Variants in NTM observed in about 807,000 individuals in gnomAD.
The protein encoded by NTM is IgLON family member 2.
A neutral mutation model predicts 42.1 loss-of-function variants in NTM; 13 were observed. The ratio of observed to expected loss-of-function variants is 0.31; its 90% CI spans 0.20 to 0.49. The LOEUF is 0.49. Among genes scored for constraint, NTM ranks in the 20% least tolerant of loss-of-function variants. NTM has a pLI of 0.99. For synonymous variants in NTM, 187 were observed against 179.2 expected (o/e 1.04, Z -0.35); for missense variants, 373 against 452.8 (o/e 0.82, Z 1.60).
At chr11:132,186,906 C>T (rs888132187) in intron 3 of NTM, among the ~76,000 whole-genome samples, 5 of 152,166 alleles carry the variant, frequency 3.3e-5, no homozygotes, top group African/African-American at 9.7e-5. Context: ...CGCTAGGTGG[C>T]GCCCTGTGGA....
chr11:131,547,238 C>A (rs915454383), intron 1 of NTM, among the ~76,000 whole-genome samples: 2 of 152,136 alleles, frequency 1.3e-5, no homozygotes, highest in African/African-American at 4.8e-5. Flanking sequence ...GTGAATGTTG[C>A]AAACTATATA....
chr11:132,326,946 A>G (rs1247736446), intron 7 of NTM, among the ~76,000 whole-genome samples: 1 of 152,248 alleles, frequency 6.6e-6, no homozygotes, highest in South Asian at 2.1e-4. Flanking sequence ...CTTGGCTTTA[A>G]GAGAAGTTCA....
intron 1 of NTM, among the ~76,000 whole-genome samples, chr11:131,815,836 T>TCCGGGTGG (rs1312460070): frequency 1.3e-5 from 2 of 152,132 alleles, no homozygotes; most frequent in African/African-American, 4.8e-5. Flanking sequence ...CTTGCTTCCT[T>TCCGGGTGG]CCGGGTGGCC....
intron 4 of NTM, among the ~76,000 whole-genome samples, chr11:132,295,020 A>G (rs958172196): frequency 6.6e-6 from 1 of 152,130 alleles, no homozygotes; most frequent in Non-Finnish European, 1.5e-5. Context: ...GCCTAGCTTG[A>G]TGAAGGCTCT....
intron 1 of NTM, among the ~76,000 whole-genome samples, chr11:131,567,316 T>C (rs1439380103): frequency 5.9e-5 from 9 of 151,920 alleles, no homozygotes; most frequent in African/African-American, 1.7e-4. Flanking sequence ...GTGAAACCCC[T>C]TCTCTACTAA....
intron 1 of NTM, among the ~76,000 whole-genome samples, chr11:131,654,407 T>C (rs1407638644): frequency 6.6e-6 from 1 of 151,716 alleles, no homozygotes; most frequent in African/African-American, 2.4e-5. Context: ...ACCGCAGTTG[T>C]ATTGAAAAGC....
intron 1 of NTM, among the ~76,000 whole-genome samples, chr11:131,715,267 CAAGATTGAACCAGATAAATCAT>C (rs2077572451): frequency 6.6e-6 from 1 of 152,146 alleles, no homozygotes; most frequent in Non-Finnish European, 1.5e-5. Context: ...CTATTTATAG[CAAGATTGAACCAGATAAATCAT>C]AAGTTTCTTG....
chr11:132,211,378 T>A (rs1252724813), intron 3 of NTM, among the ~76,000 whole-genome samples: 1 of 152,200 alleles, frequency 6.6e-6, no homozygotes, highest in Non-Finnish European at 1.5e-5. Context: ...CCAGCCTGGG[T>A]GACAAAGTGA....
At chr11:131,731,499 G>T (rs1464598980) in intron 1 of NTM, among the ~76,000 whole-genome samples, 1 of 152,078 alleles carries the variant, frequency 6.6e-6, no homozygotes, top group Non-Finnish European at 1.5e-5. Flanking sequence ...TCTTATTTCA[G>T]TTCATTTTAT....
intron 2 of NTM, among the ~76,000 whole-genome samples, chr11:131,945,577 G>C (rs1424873824): frequency 1.3e-5 from 2 of 152,100 alleles, no homozygotes; most frequent in African/African-American, 2.4e-5. Flanking sequence ...AGGTTAACCA[G>C]GTTCAATATT....
intron 4 of NTM, among the ~76,000 whole-genome samples, chr11:132,285,683 C>T (rs922315871): frequency 1.3e-5 from 2 of 152,158 alleles, no homozygotes; most frequent in Admixed American, 6.5e-5. Flanking sequence ...GCTCTTAGGA[C>T]CAAAGGACAC....
intron 2 of NTM, among the ~76,000 whole-genome samples, chr11:132,008,481 G>A (rs2517996): frequency 0.35 from 53,673 of 151,668 alleles, 10,191 homozygotes; most frequent in East Asian, 0.81. Context: ...GAATGTTAAA[G>A]CGTTAGTATA....
At chr11:132,186,869 T>A (rs921102955) in intron 3 of NTM, among the ~76,000 whole-genome samples, 5 of 152,216 alleles carry the variant, frequency 3.3e-5, no homozygotes, top group African/African-American at 4.8e-5. Context: ...CCGAGCCCCC[T>A]GTGGGGATCC....
chr11:132,081,948 TTA>T (rs10547769), intron 2 of NTM, among the ~76,000 whole-genome samples: 42,860 of 143,974 alleles, frequency 0.3, 7,012 homozygotes, highest in African/African-American at 0.43. Context: ...ATATATATAT[TTA>T]TATATATATA....
At chr11:132,144,357 G>A (rs1048599454) in intron 2 of NTM, among the ~76,000 whole-genome samples, 3 of 152,290 alleles carry the variant, frequency 2.0e-5, no homozygotes, top group Admixed American at 6.5e-5. Context: ...CATGTGCACC[G>A]TAAAGCTTGA....
chr11:131,754,047 C>T (rs2082950324), intron 1 of NTM, among the ~76,000 whole-genome samples: 3 of 146,824 alleles, frequency 2.0e-5, no homozygotes, highest in Non-Finnish European at 3.0e-5. Flanking sequence ...AAACCAAACA[C>T]CGCATGTTCT....
At chr11:132,149,730 A>C (rs2071429068) in intron 3 of NTM, among the ~76,000 whole-genome samples, 1 of 152,086 alleles carries the variant, frequency 6.6e-6, no homozygotes, top group Admixed American at 6.5e-5. Flanking sequence ...GCAAGCTAGG[A>C]GCAAAGGGCA....
At chr11:132,113,980 T>A (rs952227203) in intron 2 of NTM, among the ~76,000 whole-genome samples, 1 of 152,212 alleles carries the variant, frequency 6.6e-6, no homozygotes, top group African/African-American at 2.4e-5. Context: ...TTTTTGTTTC[T>A]TTTCATGTCA....
chr11:132,144,464 T>A (rs1302250859), intron 2 of NTM, among the ~76,000 whole-genome samples: 1 of 152,214 alleles, frequency 6.6e-6, no homozygotes, highest in Non-Finnish European at 1.5e-5. Flanking sequence ...TCCTTATTCA[T>A]GCTTGAGCAA....
Sources: allele counts gnomAD v4.1 joint callset (sites outside exome capture counted in the v4.1 genomes callset), GRCh38; gene constraint gnomAD v4.1.1; transcripts MANE v1.5; gene names NCBI Gene and HGNC (gene_info 2026-07-23, HGNC 2026-07-21).